LRP1B: variants seen among roughly 807,000 people sequenced by gnomAD.
LRP1B encodes low-density lipoprotein receptor-related protein 1B.
A neutral mutation model predicts 556.6 loss-of-function variants in LRP1B; 217 were observed. The observed-to-expected ratio is 0.39, with a 90% CI of 0.35 to 0.44. The LOEUF (loss-of-function observed/expected upper bound fraction) is 0.44, where lower values mean the gene tolerates loss of function less well. LRP1B is among the 20% of genes least tolerant of loss of function. LRP1B has a pLI of 1.00. For missense variants in LRP1B, 5,053 were observed against 5,620.8 expected (o/e 0.90, Z 3.23); for synonymous variants, 2,047 against 1,865.8 (o/e 1.10, Z -2.50).
chr2:141,882,710 G>C (rs1359569874), intron 1 of LRP1B, among the ~76,000 whole-genome samples: 1 of 152,078 alleles, frequency 6.6e-6, no homozygotes, highest in African/African-American at 2.4e-5. Flanking sequence ...ATAAAAAACA[G>C]AATATCAAGA....
chr2:141,285,554 C>A (rs1466989542), intron 3 of LRP1B, among the ~76,000 whole-genome samples: 1 of 143,508 alleles, frequency 7.0e-6, no homozygotes, highest in Admixed American at 7.0e-5. Flanking sequence ...CTCCCAGGTT[C>A]AAGCGATTCT....
chr2:141,061,174 G>T (rs1358562206), intron 8 of LRP1B, among the ~76,000 whole-genome samples: 1 of 151,572 alleles, frequency 6.6e-6, no homozygotes. Flanking sequence ...CATTGAACAG[G>T]TTCCCCCACT....
intron 3 of LRP1B, among the ~76,000 whole-genome samples, chr2:141,272,344 A>T (rs1685121837): frequency 6.6e-6 from 1 of 152,282 alleles, no homozygotes; most frequent in Non-Finnish European, 1.5e-5. Context: ...CTATTAAAAT[A>T]ATTGAAATAT....
chr2:141,174,686 T>C (rs1236768795), intron 7 of LRP1B, among the ~76,000 whole-genome samples: 5 of 152,054 alleles, frequency 3.3e-5, no homozygotes, highest in East Asian at 1.9e-4. Flanking sequence ...CTCATAGCAG[T>C]GTGAGAGTGG....
intron 7 of LRP1B, among the ~76,000 whole-genome samples, chr2:141,122,453 A>G (rs1047126815): frequency 6.6e-6 from 1 of 151,948 alleles, no homozygotes; most frequent in Non-Finnish European, 1.5e-5. Flanking sequence ...ATGAACAGAC[A>G]CTTCTCAAAA....
At chr2:140,303,931 T>C (rs962750542) in intron 83 of LRP1B, among the ~76,000 whole-genome samples, 6 of 152,118 alleles carry the variant, frequency 3.9e-5, no homozygotes, top group African/African-American at 1.2e-4. Context: ...GTTCTTGTGA[T>C]AGTTTGCTGA....
chr2:140,655,248 T>A lies in LRP1B; in HGVS notation c.6799+45002A>T, dbSNP rs1684837533. ...TTTTAAAAATTTATTCTCATTCTTA[T>A]AAAGTACAGTGGTGACTTCCAAATT... is the stretch of plus-strand genomic sequence containing the variant. On this transcript the variant is annotated intron_variant, in intron 41 of 90. Coordinates refer to ENST00000389484, the MANE Select transcript of LRP1B (RefSeq NM_018557.3). Among the ~76,000 whole-genome samples, 3 of 152,296 alleles carry A rather than the reference T, an allele frequency of 2.0e-5. No homozygotes were observed. The South Asian group carries it at 6.2e-4, about 32-fold the overall frequency.
intron 84 of LRP1B, among the ~76,000 whole-genome samples, chr2:140,296,888 C>G (rs1490149499): frequency 7.2e-5 from 11 of 151,890 alleles, no homozygotes; most frequent in Non-Finnish European, 5.9e-5. Flanking sequence ...GAATTGTGGA[C>G]AACAACTATA....
intron 45 of LRP1B, 116 bp from the exon 46 acceptor site, chr2:140,536,825 G>T (rs1056977168): frequency 1.3e-6 from 1 of 780,078 alleles, no homozygotes. Flanking sequence ...TTATCAAAAT[G>T]TACAATTAAA....
intron 41 of LRP1B, among the ~76,000 whole-genome samples, chr2:140,647,267 A>G (rs188031038): frequency 1.3e-5 from 2 of 152,324 alleles, no homozygotes; most frequent in East Asian, 3.9e-4. Context: ...ACCCACATAT[A>G]TACACAGGAG....
intron 2 of LRP1B, among the ~76,000 whole-genome samples, chr2:141,623,540 T>C (rs1688581563): frequency 6.6e-6 from 1 of 152,170 alleles, no homozygotes; most frequent in Admixed American, 6.5e-5. Flanking sequence ...ATAGGTTTTA[T>C]AATTTGGTCT....
chr2:141,882,369 C>T lies in LRP1B; in HGVS notation c.83-71968G>A, dbSNP rs150022630. Reference sequence around the variant, plus strand: ...AAATTTGAAGATTACGACAACAGAACATTAAACCCTAATATGGGGTCCCTG... The same window carrying T: ...AAATTTGAAGATTACGACAACAGAATATTAAACCCTAATATGGGGTCCCTG... On this transcript the variant is annotated intron_variant, in intron 1 of 90. Coordinates refer to ENST00000389484, the MANE Select transcript of LRP1B (RefSeq NM_018557.3). Among the ~76,000 whole-genome samples, 671 of 152,178 alleles carry T rather than the reference C, an allele frequency of 4.4e-3. 5 individuals are homozygous for T. The highest frequency in any genetic ancestry group is 0.016 in the African/African-American group (653 of 41,528).
At chr2:141,733,675 T>C (rs1171356649) in intron 2 of LRP1B, among the ~76,000 whole-genome samples, 4 of 152,130 alleles carry the variant, frequency 2.6e-5, no homozygotes, top group Admixed American at 2.6e-4. Flanking sequence ...CACATCATCA[T>C]AGTTGTCTTA....
At chr2:141,957,094 T>C (rs1331708494) in intron 1 of LRP1B, among the ~76,000 whole-genome samples, 1 of 152,034 alleles carries the variant, frequency 6.6e-6, no homozygotes, top group Non-Finnish European at 1.5e-5. Flanking sequence ...AAAGGGAATG[T>C]TATTTTGTGT....
At chr2:141,040,531 T>G (rs537324580) in intron 11 of LRP1B, among the ~76,000 whole-genome samples, 1 of 152,190 alleles carries the variant, frequency 6.6e-6, no homozygotes, top group Admixed American at 6.6e-5. Context: ...TCCTGTAATC[T>G]GCTGTATGTG....
intron 43 of LRP1B, among the ~76,000 whole-genome samples, chr2:140,570,115 C>G: frequency 6.6e-6 from 1 of 151,278 alleles, no homozygotes; most frequent in East Asian, 1.9e-4. Flanking sequence ...TAATAATGCA[C>G]CCTAAGGAAC....
At chr2:141,343,317 A>G (rs1478749286) in intron 3 of LRP1B, among the ~76,000 whole-genome samples, 1 of 152,172 alleles carries the variant, frequency 6.6e-6, no homozygotes, top group Non-Finnish European at 1.5e-5. Flanking sequence ...GAACTTATGG[A>G]ATACAGTTAC....
chr2:141,493,361 C>T (rs1683403410), intron 2 of LRP1B, among the ~76,000 whole-genome samples: 2 of 152,108 alleles, frequency 1.3e-5, no homozygotes, highest in Admixed American at 1.3e-4. Flanking sequence ...AAGAAAATCA[C>T]TTGAGATGTC....
rs145879444 is a variant in LRP1B at position 140,528,109 on chromosome 2, G to A, written c.7763-1759C>T. ...CATAGAGAATTCTCTGTCTGAGTGAGAAGTAGTGGCAGAGACAATGAGGAG... is the reference window on the plus strand; with the variant it reads ...CATAGAGAATTCTCTGTCTGAGTGAAAAGTAGTGGCAGAGACAATGAGGAG... On this transcript the variant is annotated intron_variant, in intron 47 of 90. Transcript: ENST00000389484. Among the ~76,000 whole-genome samples, 156 of 152,006 alleles carry A rather than the reference G, an allele frequency of 1.0e-3. 3 individuals are homozygous for A. The highest frequency in any genetic ancestry group is 3.5e-3 in the African/African-American group (146 of 41,516).
Sources: gnomAD v4.1 joint callset for allele counts (sites outside exome capture counted in the v4.1 genomes callset) on GRCh38, gnomAD v4.1.1 for gene constraint, MANE v1.5 for transcripts, NCBI Gene and HGNC (gene_info 2026-07-23, HGNC 2026-07-21) for gene names.